The following NHSL1 variants were observed in gnomAD, a reference collection of about 807,000 sequenced individuals.
The protein encoded by NHSL1 is NHS like 1.
NHSL1 carries 48 observed loss-of-function variants against 95.0 expected under a neutral mutation model. That is an observed-to-expected ratio of 0.51 (90% CI 0.40 to 0.64). The LOEUF is 0.64. Ranked by LOEUF, NHSL1 falls within the 30% of genes least tolerant of loss-of-function variation. NHSL1 has a pLI of 0.00. For missense variants in NHSL1, 1,971 were observed against 2,077.7 expected, an observed-to-expected ratio of 0.95 and a Z score of 1.00; for synonymous variants, 783 against 833.9, an observed-to-expected ratio of 0.94 and a Z score of 1.05.
chr6:138,525,236 C>T (rs1040588230), intron 1 of NHSL1, among the ~76,000 whole-genome samples: 3 of 152,124 alleles, frequency 2.0e-5, no homozygotes, highest in Admixed American at 6.5e-5. Flanking sequence ...CTATCAAAAA[C>T]AAGAAGGGGC....
At chr6:138,646,360 T>A (rs2069542834) in intron 1 of NHSL1, among the ~76,000 whole-genome samples, 1 of 152,176 alleles carries the variant, frequency 6.6e-6, no homozygotes. Flanking sequence ...GGTAATTGAA[T>A]TAAAAATTCT....
At chr6:138,684,433 G>C (rs1785555932) in intron 1 of NHSL1, among the ~76,000 whole-genome samples, 1 of 152,008 alleles carries the variant, frequency 6.6e-6, no homozygotes, top group Admixed American at 6.6e-5. Context: ...GGATCACAAG[G>C]TCAGGAGTTC....
At position 138,518,480 on chromosome 6, in the gene NHSL1, T is replaced by A. The variant is rs554004692; in HGVS notation, c.17-22109A>T. On this transcript the variant is annotated intron_variant, in intron 1 of 4. Transcript: ENST00000342260. ...GGTAGAACGTCCACAGGAATGATTT[T>A]TTTTTTTTTTTTTTTAGAAAAACCC... Among the ~76,000 whole-genome samples, 313 of 149,444 alleles carry A rather than the reference T, an allele frequency of 2.1e-3. 1 individual carries two copies. Among genetic ancestry groups the A allele is most frequent in the African/African-American group, 7.1e-3 (291 of 41,254 alleles).
chr6:138,489,842 GA>G, intron 2 of NHSL1, among the ~76,000 whole-genome samples: 1 of 76,938 alleles, frequency 1.3e-5, no homozygotes, highest in African/African-American at 6.9e-5. Context: ...GAGAGAGAGA[GA>G]GGGAGAGAGG....
At chr6:138,486,009 T>A (rs1779706066) in intron 2 of NHSL1, among the ~76,000 whole-genome samples, 2 of 152,062 alleles carry the variant, frequency 1.3e-5, no homozygotes, top group Admixed American at 1.3e-4. Context: ...GATCTCTGGC[T>A]CCGTCTCATA....
At chr6:138,569,241 GTA>G (rs1243223642) in intron 1 of NHSL1, among the ~76,000 whole-genome samples, 1 of 148,454 alleles carries the variant, frequency 6.7e-6, no homozygotes, top group African/African-American at 2.5e-5. Flanking sequence ...ATGGTTGTGT[GTA>G]TATGTGTGTG....
At position 138,543,790 on chromosome 6, in the gene NHSL1, C is replaced by T. The variant is rs1371297277; in HGVS notation, c.16+1833G>A. ...GTAGGGCAAAGGACAACTTAAAAAT[C>T]ATTATTGTAAATCAACAAGCTATAA... On this transcript the variant is annotated intron_variant, in intron 1 of 4. Transcript: ENST00000342260. Among the ~76,000 whole-genome samples the T allele has an allele frequency of 2.0e-5, 3 of 152,264 alleles. No individual in the cohort carries two copies. In the East Asian group the frequency reaches 5.8e-4, roughly 29 times the overall value.
chr6:138,562,606 G>A (rs1410527342), intron 1 of NHSL1, among the ~76,000 whole-genome samples: 2 of 150,940 alleles, frequency 1.3e-5, no homozygotes, highest in Non-Finnish European at 3.0e-5. Context: ...AGATTGCAGT[G>A]AGCCGAGATC....
intron 1 of NHSL1, among the ~76,000 whole-genome samples, chr6:138,689,030 G>T (rs1009764311): frequency 1.2e-4 from 18 of 152,132 alleles, no homozygotes; most frequent in Non-Finnish European, 2.1e-4. Flanking sequence ...TATTGGCCAG[G>T]CTAGTCTTGA....
intron 1 of NHSL1, among the ~76,000 whole-genome samples, chr6:138,507,605 AC>A (rs1190839485): frequency 6.6e-6 from 1 of 152,226 alleles, no homozygotes; most frequent in Non-Finnish European, 1.5e-5. Context: ...AAACACATAC[AC>A]ATTTAAAAGG....
rs753464060 is a variant in NHSL1, at chr6:138,610,560, T to A, written c.96+81916A>T. On this transcript the variant is annotated intron_variant, in intron 1 of 3. Transcript: ENST00000491526. ...ATAATAATAAAAAAATATATATATATTATATATATATATAAAAAGAAAAGA... is the reference window on the plus strand; with the variant it reads ...ATAATAATAAAAAAATATATATATAATATATATATATATAAAAAGAAAAGA... 6.6e-3 allele frequency among the ~76,000 whole-genome samples: 424 copies of A among 64,608 alleles called. 2 individuals are homozygous for A. Among genetic ancestry groups the A allele is most frequent in the African/African-American group, 0.029 (372 of 12,646 alleles). The allele number at this position is 64,608 out of a possible 152,430, so 42.4% of individuals were successfully genotyped here.
chr6:138,555,667 T>C (rs1036955868), intron 1 of NHSL1, among the ~76,000 whole-genome samples: 33 of 152,244 alleles, frequency 2.2e-4, no homozygotes, highest in Admixed American at 1.7e-3. Context: ...CTCTTTTGTC[T>C]TTGCTATGGT....
At chr6:138,689,587 T>C (rs1473866179) in intron 1 of NHSL1, among the ~76,000 whole-genome samples, 2 of 152,188 alleles carry the variant, frequency 1.3e-5, no homozygotes, top group Non-Finnish European at 2.9e-5. Flanking sequence ...TCCTTTCTTA[T>C]GGTAGAAAGC....
At chr6:138,521,803 T>C (rs1781694602) in intron 1 of NHSL1, among the ~76,000 whole-genome samples, 1 of 152,122 alleles carries the variant, frequency 6.6e-6, no homozygotes, top group Admixed American at 6.5e-5. Context: ...GGGGTCTGCA[T>C]CATAACAGAG....
intron 5 of NHSL1, among the ~76,000 whole-genome samples, chr6:138,437,611 G>C (rs1436432642): frequency 6.6e-6 from 1 of 152,070 alleles, no homozygotes; most frequent in African/African-American, 2.4e-5. Context: ...TAAGGCCAAA[G>C]CTGCCACAGA....
intron 1 of NHSL1, among the ~76,000 whole-genome samples, chr6:138,544,990 T>C (rs1298211660): frequency 2.3e-5 from 3 of 128,264 alleles, no homozygotes; most frequent in Non-Finnish European, 4.7e-5. Flanking sequence ...TTTCTTTTTT[T>C]TTTTTTTTTT....
intron 3 of NHSL1, among the ~76,000 whole-genome samples, chr6:138,471,957 T>C (rs1778779993): frequency 6.7e-6 from 1 of 149,846 alleles, no homozygotes. Context: ...GGTGGGCAGA[T>C]CACTTGAGGT....
At chr6:138,641,403 G>A (rs1441113192) in intron 1 of NHSL1, among the ~76,000 whole-genome samples, 5 of 152,062 alleles carry the variant, frequency 3.3e-5, no homozygotes, top group South Asian at 4.2e-4. Context: ...AGAATGGCAC[G>A]GGCAAAAAAG....
chr6:138,604,991 A>G (rs192304594), intron 1 of NHSL1, among the ~76,000 whole-genome samples: 2 of 152,308 alleles, frequency 1.3e-5, no homozygotes, highest in East Asian at 1.9e-4. Flanking sequence ...CTTGACTGAC[A>G]TATCCTAATT....
Sources: gnomAD v4.1 joint callset for allele counts (sites outside exome capture counted in the v4.1 genomes callset) on GRCh38, gnomAD v4.1.1 for gene constraint, MANE v1.5 for transcripts, NCBI Gene and HGNC (gene_info 2026-07-23, HGNC 2026-07-21) for gene names.